LRFN2: variants seen among roughly 807,000 people sequenced by gnomAD.
The protein encoded by LRFN2 is leucine rich repeat and fibronectin type III domain containing 2, also known as leucine-rich repeat and fibronectin type-III domain-containing protein 2.
In LRFN2, 18 loss-of-function variants were observed where a neutral mutation model predicts 37.3. The observed-to-expected ratio is 0.48, with a 90% CI of 0.33 to 0.72. LRFN2 has a LOEUF of 0.72. LRFN2 is among the 30% of genes least tolerant of loss of function. The pLI is 0.02. For synonymous variants in LRFN2, 556 were observed against 466.6 expected (o/e 1.19, Z -2.47); for missense variants, 1,006 against 1,060.7 (o/e 0.95, Z 0.72).
At chr6:40,550,406 C>A (rs971133819) in intron 1 of LRFN2, among the ~76,000 whole-genome samples, 1 of 152,134 alleles carries the variant, frequency 6.6e-6, no homozygotes, top group African/African-American at 2.4e-5. Flanking sequence ...CTGGCAATGG[C>A]CTTTGATTGC....
At position 40,491,420 on chromosome 6, in the gene LRFN2, G is replaced by A. The variant is rs183814167; in HGVS notation, c.-18-58289C>T. On this transcript the variant is annotated intron_variant, in intron 1 of 2. Coordinates refer to ENST00000338305, the MANE Select transcript of LRFN2 (RefSeq NM_020737.3). ...TAGAAGTGCCAAAGAAAGAGTAGCC[G>A]GAGGGCTCCTAGCATCCCGGCTCTG... Among the ~76,000 whole-genome samples the A allele has an allele frequency of 2.6e-4, 40 of 152,326 alleles. No homozygotes were observed. In the East Asian group the frequency reaches 2.7e-3, roughly 10 times the overall value.
chr6:40,548,440 C>CAAAGAAAAAAAAAAAAAAAAAAA (rs1766704073), intron 1 of LRFN2, among the ~76,000 whole-genome samples: 1 of 142,650 alleles, frequency 7.0e-6, no homozygotes, highest in East Asian at 2.0e-4. Context: ...GACTCCATCT[C>CAAAGAAAAAAAAAAAAAAAAAAA]AAAAAAAAAA....
intron 1 of LRFN2, among the ~76,000 whole-genome samples, chr6:40,480,892 A>T (rs1477813500): frequency 6.6e-6 from 1 of 152,246 alleles, no homozygotes; most frequent in East Asian, 1.9e-4. Context: ...ACTTAACTGC[A>T]AAACCTAATG....
intron 1 of LRFN2, among the ~76,000 whole-genome samples, chr6:40,445,785 C>A (rs947810154): frequency 2.0e-5 from 3 of 152,200 alleles, no homozygotes; most frequent in Non-Finnish European, 4.4e-5. Context: ...AGCTTCAATC[C>A]TGGCCTGCCT....
chr6:40,405,309 T>C (rs1223195874), intron 2 of LRFN2, among the ~76,000 whole-genome samples: 2 of 152,196 alleles, frequency 1.3e-5, no homozygotes, highest in Non-Finnish European at 2.9e-5. Context: ...ACTGTAGGGT[T>C]CCAATCCTGG....
At chr6:40,437,707 G>A (rs763420995) in intron 1 of LRFN2, among the ~76,000 whole-genome samples, 27 of 152,168 alleles carry the variant, frequency 1.8e-4, no homozygotes, top group Non-Finnish European at 2.8e-4. Flanking sequence ...AGTTGGGAGG[G>A]AGACAAGGGG....
Position 40,438,621 on chromosome 6 carries a change from G to A in LRFN2, c.-18-5490C>T, listed in dbSNP as rs1218263073. Reference sequence around the variant, plus strand: ...AGGAGGCCCCTCTGGAGGCTTCCATGTGCCTGGCGTACAGAGAGACTGGCT... The same window carrying A: ...AGGAGGCCCCTCTGGAGGCTTCCATATGCCTGGCGTACAGAGAGACTGGCT... On this transcript the variant is annotated intron_variant, in intron 1 of 2. Transcript: ENST00000338305. 5.3e-5 allele frequency among the ~76,000 whole-genome samples: 8 copies of A among 152,346 alleles called. No homozygotes were observed. The South Asian group carries it at 1.5e-3, about 28-fold the overall frequency.
At chr6:40,500,595 T>G (rs537893543) in intron 1 of LRFN2, among the ~76,000 whole-genome samples, 1 of 152,340 alleles carries the variant, frequency 6.6e-6, no homozygotes, top group South Asian at 2.1e-4. Flanking sequence ...ACAAGGATGT[T>G]CATCATAGTG....
chr6:40,416,978 G>T (rs539467665), intron 2 of LRFN2, among the ~76,000 whole-genome samples: 1 of 152,304 alleles, frequency 6.6e-6, no homozygotes, highest in African/African-American at 2.4e-5. Flanking sequence ...AAACCTGGGC[G>T]CTCCTGCTTT....
intron 1 of LRFN2, among the ~76,000 whole-genome samples, chr6:40,448,981 A>G (rs1364328268): frequency 3.3e-5 from 5 of 152,174 alleles, no homozygotes; most frequent in African/African-American, 1.2e-4. Context: ...AACCAAAGCA[A>G]CCAACTCTTC....
intron 1 of LRFN2, among the ~76,000 whole-genome samples, chr6:40,440,776 G>A (rs1763816379): frequency 6.6e-6 from 1 of 152,188 alleles, no homozygotes; most frequent in Admixed American, 6.5e-5. Context: ...CTGAGCCTCA[G>A]TTGCCCTGCC....
chr6:40,403,664 C>T (rs969275339), intron 2 of LRFN2, among the ~76,000 whole-genome samples: 1 of 152,216 alleles, frequency 6.6e-6, no homozygotes, highest in Admixed American at 6.5e-5. Flanking sequence ...CGCAAGACAG[C>T]AGGCAGGGTT....
chr6:40,468,850 A>C (rs749153997), intron 1 of LRFN2, among the ~76,000 whole-genome samples: 1 of 152,022 alleles, frequency 6.6e-6, no homozygotes, highest in East Asian at 1.9e-4. Context: ...TGTCGGCCCT[A>C]TGTATCCTCC....
chr6:40,532,288 C>T (rs188877099), intron 1 of LRFN2, among the ~76,000 whole-genome samples: 55 of 152,350 alleles, frequency 3.6e-4, no homozygotes, highest in African/African-American at 1.2e-3. Context: ...GAATGGACTT[C>T]CACACAGTAT....
At chr6:40,429,359 C>A (rs749831056) in intron 2 of LRFN2, among the ~76,000 whole-genome samples, 5 of 152,242 alleles carry the variant, frequency 3.3e-5, no homozygotes, top group Non-Finnish European at 7.3e-5. Context: ...TTCTCTCCCC[C>A]TCACGAACTG....
At chr6:40,462,794 T>A (rs1764374599) in intron 1 of LRFN2, among the ~76,000 whole-genome samples, 1 of 152,228 alleles carries the variant, frequency 6.6e-6, no homozygotes, top group Non-Finnish European at 1.5e-5. Flanking sequence ...CAGGTCAGTC[T>A]GGCCACAGTG....
chr6:40,399,970 TC>T (rs966054159), intron 2 of LRFN2, among the ~76,000 whole-genome samples: 3 of 151,782 alleles, frequency 2.0e-5, no homozygotes, highest in Admixed American at 6.6e-5. Context: ...CACTCATCAC[TC>T]CCCCAGTAAG....
At chr6:40,424,390 G>A (rs1763298399) in intron 2 of LRFN2, among the ~76,000 whole-genome samples, 1 of 152,194 alleles carries the variant, frequency 6.6e-6, no homozygotes, top group Non-Finnish European at 1.5e-5. Context: ...GCCTTAGCGA[G>A]ATGTGCCCCA....
intron 1 of LRFN2, among the ~76,000 whole-genome samples, chr6:40,585,576 G>A (rs914940425): frequency 9.9e-5 from 15 of 152,108 alleles, no homozygotes; most frequent in African/African-American, 3.6e-4. Context: ...CCAGACCAGG[G>A]CACAACCCCA....
Sources: allele counts gnomAD v4.1 joint callset (sites outside exome capture counted in the v4.1 genomes callset), GRCh38; gene constraint gnomAD v4.1.1; transcripts MANE v1.5; gene names NCBI Gene and HGNC (gene_info 2026-07-23, HGNC 2026-07-21).